The following SLIT2 variants were observed in gnomAD, a reference collection of about 807,000 sequenced individuals.
The protein encoded by SLIT2 is slit homolog 2 protein.
SLIT2 carries 41 observed loss-of-function variants against 185.7 expected under a neutral mutation model. That is an observed-to-expected ratio of 0.22 (90% CI 0.17 to 0.29). The LOEUF (loss-of-function observed/expected upper bound fraction) is 0.29, where lower values mean the gene tolerates loss of function less well. SLIT2 is among the 10% of genes least tolerant of loss of function. SLIT2 has a pLI of 1.00. For missense variants in SLIT2, 1,571 were observed against 1,909.0 expected, an observed-to-expected ratio of 0.82 and a Z score of 3.30; for synonymous variants, 693 against 680.2, an observed-to-expected ratio of 1.02 and a Z score of -0.29.
intron 4 of SLIT2, among the ~76,000 whole-genome samples, chr4:20,370,574 C>T (rs1051272934): frequency 6.6e-6 from 1 of 152,052 alleles, no homozygotes; most frequent in African/African-American, 2.4e-5. Flanking sequence ...ACTGGATTCC[C>T]TTTAGATCTC....
At chr4:20,607,166 T>G (rs1282426977) in intron 33 of SLIT2, among the ~76,000 whole-genome samples, 1 of 152,184 alleles carries the variant, frequency 6.6e-6, no homozygotes, top group Non-Finnish European at 1.5e-5. Context: ...TTTGCACTTC[T>G]CTTAAAAGGA....
chr4:20,390,642 C>G (rs1725336496), intron 4 of SLIT2, among the ~76,000 whole-genome samples: 1 of 151,690 alleles, frequency 6.6e-6, no homozygotes, highest in South Asian at 2.1e-4. Flanking sequence ...AGTAGTGCTG[C>G]TTTAATTGGC....
rs570144 is a variant in SLIT2 at position 20,254,142 on chromosome 4, G to A, written c.179+148G>A. ...CACATCCTGGGGTTGAGCTCTCCGG[G>A]AGGGCACTGGCCAGGGAAGGGCCTC... is the stretch of plus-strand genomic sequence containing the variant. On this transcript the variant is annotated intron_variant, in intron 1 of 36. Transcript: ENST00000504154. This position sits in a 1 kb window ranked among gnomAD's most constrained non-coding sequence, Gnocchi z 5.1. 28 of 804,716 alleles carry A rather than the reference G, an allele frequency of 3.5e-5. No homozygotes were observed. Among genetic ancestry groups the A allele is most frequent in the Non-Finnish European group, 5.0e-5 (26 of 515,866 alleles). The allele number at this position is 804,716 out of a possible 1,614,324, so 49.8% of individuals were successfully genotyped here.
At chr4:20,549,925 C>T (rs1413159547) in intron 24 of SLIT2, among the ~76,000 whole-genome samples, 1 of 151,984 alleles carries the variant, frequency 6.6e-6, no homozygotes, top group African/African-American at 2.4e-5. Context: ...CTCTAATGAA[C>T]ATCCTATACA....
chr4:20,472,715 A>T (rs1715696808), intron 5 of SLIT2, among the ~76,000 whole-genome samples: 1 of 142,128 alleles, frequency 7.0e-6, no homozygotes, highest in Non-Finnish European at 1.5e-5. Flanking sequence ...GAACAGGGTC[A>T]TGTTACATTG....
chr4:20,598,199 C>G (rs1728132134), intron 32 of SLIT2, 66 bp from the exon 33 acceptor site: 14 of 1,523,992 alleles, frequency 9.2e-6, no homozygotes, highest in Non-Finnish European at 1.2e-5. Context: ...ACTTAGCAGT[C>G]TCTTTCTGAT....
intron 4 of SLIT2, among the ~76,000 whole-genome samples, chr4:20,276,851 G>A (rs1338013905): frequency 6.6e-6 from 1 of 152,166 alleles, no homozygotes; most frequent in Non-Finnish European, 1.5e-5. Context: ...GGGACCTGAG[G>A]AATGCTCTGG....
At chr4:20,596,141 T>C (rs1727961883) in intron 31 of SLIT2, among the ~76,000 whole-genome samples, 1 of 150,790 alleles carries the variant, frequency 6.6e-6, no homozygotes, top group African/African-American at 2.4e-5. Flanking sequence ...AAGCAAAGAG[T>C]AGAATGAGGG....
At chr4:20,554,748 G>A (rs1416152019) in intron 26 of SLIT2, among the ~76,000 whole-genome samples, 2 of 150,768 alleles carry the variant, frequency 1.3e-5, no homozygotes, top group Non-Finnish European at 2.9e-5. Context: ...GGGGTTTTGG[G>A]GGGGCTTTTG....
intron 4 of SLIT2, among the ~76,000 whole-genome samples, chr4:20,336,697 A>G (rs1720531003): frequency 1.3e-5 from 2 of 152,170 alleles, no homozygotes; most frequent in Non-Finnish European, 2.9e-5. Context: ...AAAAAAGAAA[A>G]AAAACTGAAA....
In SLIT2 at chr4:20,415,504, G is replaced by A. The variant is rs560485985; in HGVS notation, c.396-52248G>A. Reference sequence around the variant, plus strand: ...TGAATATTTAATGTTAAAATGTGTCGTTATTATAATTATAGCAGATATAAT... The same window carrying A: ...TGAATATTTAATGTTAAAATGTGTCATTATTATAATTATAGCAGATATAAT... On this transcript the variant is annotated intron_variant, in intron 4 of 36. Coordinates refer to ENST00000504154, the MANE Select transcript of SLIT2 (RefSeq NM_004787.4). Among the ~76,000 whole-genome samples the A allele has an allele frequency of 1.6e-4, 24 of 151,074 alleles. No homozygotes were observed. In the South Asian group the frequency reaches 1.9e-3, roughly 12 times the overall value.
rs772411021 is a variant in SLIT2 at position 20,595,852 on chromosome 4, T to G, written c.3320+18T>G. 2.5e-5 allele frequency: 41 copies of G among 1,609,722 alleles called. No homozygotes were observed. The highest frequency in any genetic ancestry group is 3.2e-5 in the Non-Finnish European group (38 of 1,176,398). Reference sequence around the variant, plus strand: ...GGTTACAGGTAAAAGCAGAAATGAATAAGACCTAGTGTTCAATAAGACCTA... The same window carrying G: ...GGTTACAGGTAAAAGCAGAAATGAAGAAGACCTAGTGTTCAATAAGACCTA... On this transcript the variant is annotated intron_variant, in intron 31 of 36. Transcript: ENST00000504154.
intron 4 of SLIT2, among the ~76,000 whole-genome samples, chr4:20,300,646 T>C (rs1210994236): frequency 6.6e-6 from 1 of 152,076 alleles, no homozygotes. Flanking sequence ...TCTTTGTTTT[T>C]ATTTCCTGTA....
At chr4:20,584,716 C>T (rs1006025505) in intron 29 of SLIT2, among the ~76,000 whole-genome samples, 5 of 152,178 alleles carry the variant, frequency 3.3e-5, no homozygotes, top group African/African-American at 9.6e-5. Flanking sequence ...TTGGTCATTT[C>T]TTGTCCTGTT....
intron 4 of SLIT2, among the ~76,000 whole-genome samples, chr4:20,279,492 A>G (rs1423685302): frequency 1.3e-5 from 2 of 152,168 alleles, no homozygotes; most frequent in Non-Finnish European, 1.5e-5. Flanking sequence ...ATGATCATTC[A>G]TTATAATATG....
At chr4:20,467,311 C>G (rs1022698484) in intron 4 of SLIT2, among the ~76,000 whole-genome samples, 1 of 151,914 alleles carries the variant, frequency 6.6e-6, no homozygotes, top group African/African-American at 2.4e-5. Flanking sequence ...CAGTTTTTAC[C>G]CACTCTACTC....
intron 4 of SLIT2, among the ~76,000 whole-genome samples, chr4:20,416,662 A>C (rs1480156657): frequency 6.6e-6 from 1 of 152,158 alleles, no homozygotes. Context: ...AAAAGTGCTT[A>C]CTCTGGTGTG....
intron 4 of SLIT2, among the ~76,000 whole-genome samples, chr4:20,271,433 GTAATA>G (rs1713595579): frequency 7.0e-6 from 1 of 143,088 alleles, no homozygotes; most frequent in African/African-American, 2.6e-5. Context: ...ATATTTATAT[GTAATA>G]TAATATATAA....
chr4:20,587,154 G>T (rs1727132283), intron 29 of SLIT2, among the ~76,000 whole-genome samples: 1 of 151,926 alleles, frequency 6.6e-6, no homozygotes. Flanking sequence ...GAGTAGCTGG[G>T]ATTACAGGCC....
Sources: gnomAD v4.1 joint callset for allele counts (sites outside exome capture counted in the v4.1 genomes callset) on GRCh38, gnomAD v4.1.1 for gene constraint, Gnocchi (gnomAD v3.1) non-coding constraint, MANE v1.5 for transcripts, NCBI Gene and HGNC (gene_info 2026-07-23, HGNC 2026-07-21) for gene names.